The following ATP1A4 variants were observed in gnomAD, a reference collection of about 807,000 sequenced individuals.
The protein encoded by ATP1A4 is ATPase Na+/K+ transporting subunit alpha 4, also known as sodium/potassium-transporting ATPase subunit alpha-4.
In ATP1A4, 90 loss-of-function variants were observed where a neutral mutation model predicts 114.3. The ratio of observed to expected loss-of-function variants is 0.79; its 90% CI spans 0.66 to 0.94. The LOEUF (loss-of-function observed/expected upper bound fraction) is 0.94, where lower values mean the gene tolerates loss of function less well. Ranked by LOEUF, ATP1A4 falls within the 40% of genes least tolerant of loss-of-function variation. The pLI, the probability that ATP1A4 is intolerant of heterozygous loss-of-function variation, is 0.00. For missense variants in ATP1A4, 1,222 were observed against 1,313.6 expected, an observed-to-expected ratio of 0.93 and a Z score of 1.08; for synonymous variants, 511 against 494.1, an observed-to-expected ratio of 1.03 and a Z score of -0.45.
chr1:160,176,288 C>A lies in ATP1A4; in HGVS notation c.2466+42C>A, dbSNP rs368043410. Reference sequence around the variant, plus strand: ...TGAGCAAGAGATTCCCAGAATTCTGCCTCCTAAGCTCCCTGCTTTCTGCCT... The same window carrying A: ...TGAGCAAGAGATTCCCAGAATTCTGACTCCTAAGCTCCCTGCTTTCTGCCT... On this transcript the variant is annotated intron_variant, in intron 16 of 21. Transcript: ENST00000368081. 2.5e-6 allele frequency: 4 copies of A among 1,610,978 alleles called. No homozygotes were observed. In the African/African-American group the frequency reaches 5.3e-5, roughly 22 times the overall value.
In ATP1A4 at chr1:160,181,713, C is replaced by T; in HGVS notation, c.2766C>T (p.Phe922=). 2 of 1,614,144 alleles carry T rather than the reference C, an allele frequency of 1.2e-6. No individual in the cohort carries two copies. ...WTYEQRKVVE[F]TCQTAFFVTI... is the part of the protein sequence containing the mutation. The stretch of plus-strand genomic sequence containing the variant: ...ATGAGCAACGAAAAGTTGTGGAGTT[C>T]ACATGCCAAACGGCCTTTTTTGTCA... The change falls in exon 19 of 22, where the codon TTC becomes TTT. Residue 922 remains phenylalanine (F), a synonymous_variant. Transcript: ENST00000368081.
chr1:160,178,952 G>A (rs1653584294), intron 18 of ATP1A4, among the ~76,000 whole-genome samples: 1 of 152,236 alleles, frequency 6.6e-6, no homozygotes, highest in Non-Finnish European at 1.5e-5. Flanking sequence ...TAGCGTCATA[G>A]AGGACACAGT....
At chr1:160,161,008 G>A (rs184126950) in intron 6 of ATP1A4, among the ~76,000 whole-genome samples, 3 of 152,260 alleles carry the variant, frequency 2.0e-5, no homozygotes. Flanking sequence ...TTCAGATAAA[G>A]GGTATGGAGG....
At chr1:160,169,185 C>T (rs915284763) in intron 10 of ATP1A4, among the ~76,000 whole-genome samples, 5 of 152,214 alleles carry the variant, frequency 3.3e-5, no homozygotes, top group Non-Finnish European at 7.3e-5. Context: ...CCTTAGCTTG[C>T]CCTAAAGGTG....
intron 6 of ATP1A4, among the ~76,000 whole-genome samples, chr1:160,160,790 AG>A (rs2101630028): frequency 6.6e-6 from 1 of 152,322 alleles, no homozygotes; most frequent in Admixed American, 6.5e-5. Context: ...ACCTTAAAGA[AG>A]AAGCGTAATG....
intron 1 of ATP1A4, among the ~76,000 whole-genome samples, chr1:160,152,533 G>A (rs530731484): frequency 6.6e-6 from 1 of 152,152 alleles, no homozygotes; most frequent in Non-Finnish European, 1.5e-5. Flanking sequence ...ATGTTCTCAT[G>A]ATGAGGTGAT....
At chr1:160,165,124 G>T (rs964786207) in intron 7 of ATP1A4, among the ~76,000 whole-genome samples, 3 of 152,144 alleles carry the variant, frequency 2.0e-5, no homozygotes, top group South Asian at 2.1e-4. Flanking sequence ...CTATGACATG[G>T]TCTGTAGGCC....
rs1652600105 is a variant in ATP1A4 at position 160,155,161 on chromosome 1, C to T, written c.324C>T (p.Phe108=). ...VKFCKQLFGG[F]SLLLWTGAIL... ...TCTGTAAGCAACTGTTCGGAGGCTT[C>T]TCCCTCCTACTATGGACTGGGGCCA... Residue 108 remains phenylalanine (F), a synonymous_variant, in exon 3 of 22, where the codon TTC becomes TTT. Transcript: ENST00000368081. 1 of 1,612,872 alleles carries T rather than the reference C, an allele frequency of 6.2e-7. No homozygotes were observed. Among genetic ancestry groups the T allele is most frequent in the South Asian group, 1.1e-5 (1 of 91,046 alleles).
chr1:160,155,659 T>C (rs1306015034), intron 3 of ATP1A4, among the ~76,000 whole-genome samples: 1 of 152,146 alleles, frequency 6.6e-6, no homozygotes, highest in African/African-American at 2.4e-5. Flanking sequence ...CCCGAAAAAC[T>C]TGCTGTTCTT....
chr1:160,177,584 C>T lies in ATP1A4; in HGVS notation c.2656C>T (p.Pro886Ser), dbSNP rs1653522628. 1.9e-6 allele frequency: 3 copies of T among 1,614,014 alleles called. No homozygotes were observed. The highest frequency in any genetic ancestry group is 1.7e-5 in the Admixed American group (1 of 59,998). ...AATCCTGGCTGAGAATGGTTTTAGG[C>T]CTGTTGATCTGCTGGGCATCCGCCT... ...FVILAENGFR[P>S]VDLLGIRLHW... is the part of the protein sequence containing the mutation. The change falls in exon 18 of 22, where the codon CCT becomes TCT. Residue 886 changes from proline (P) to serine (S), a missense_variant. Pro to Ser is a moderately conservative substitution (Grantham distance 74). Transcript: ENST00000368081.
rs768982750 is a variant in ATP1A4, at chr1:160,171,373, C to T, written c.1614C>T (p.Asn538=). ...FLLNGQEYSM[N]DEMKEAFQNA... ...TGAATGGGCAGGAGTACTCAATGAA[C>T]GATGAAATGAAGGAAGCCTTCCAAA... Residue 538 remains asparagine (N), a synonymous_variant, in exon 11 of 22, where the codon AAC becomes AAT. Coordinates refer to ENST00000368081, the MANE Select transcript of ATP1A4 (RefSeq NM_144699.4). The T allele has an allele frequency of 2.0e-5, 32 of 1,613,980 alleles. No individual in the cohort carries two copies. Among genetic ancestry groups the T allele is most frequent in the South Asian group, 1.4e-4 (13 of 91,078 alleles).
chr1:160,176,370 C>T, intron 16 of ATP1A4, 109 bp from the exon 17 acceptor site: 1 of 1,586,834 alleles, frequency 6.3e-7, no homozygotes, highest in Non-Finnish European at 8.6e-7. Context: ...CTCGCACCTC[C>T]TGCAAGATGG....
intron 13 of ATP1A4, 80 bp downstream of exon 13, chr1:160,173,797 G>GTGGCA: frequency 6.6e-7 from 1 of 1,525,300 alleles, no homozygotes; most frequent in Non-Finnish European, 8.9e-7. Flanking sequence ...CTTTACTAAA[G>GTGGCA]TTCTTGGAGT....
intron 18 of ATP1A4, among the ~76,000 whole-genome samples, chr1:160,181,055 C>T (rs1653682387): frequency 6.6e-6 from 1 of 152,110 alleles, no homozygotes; most frequent in Non-Finnish European, 1.5e-5. Flanking sequence ...CTTACCCTAT[C>T]CTTCTTATTA....
At chr1:160,186,515 A>G in intron 21 of ATP1A4, 148 bp downstream of exon 21, 1 of 1,054,726 alleles carries the variant, frequency 9.5e-7, no homozygotes, top group South Asian at 1.4e-5. Flanking sequence ...AGACCTCTCT[A>G]CCCCTTGGCT....
intron 15 of ATP1A4, among the ~76,000 whole-genome samples, chr1:160,175,623 G>C (rs1037539252): frequency 2.6e-5 from 4 of 151,880 alleles, no homozygotes; most frequent in African/African-American, 9.7e-5. Flanking sequence ...AGAGGGATTC[G>C]ATCTTTGAAA....
At position 160,178,073 on chromosome 1, in the gene ATP1A4, G is replaced by C. The variant is rs1216514871; in HGVS notation, c.2736+409G>C. 5.3e-5 allele frequency among the ~76,000 whole-genome samples: 8 copies of C among 151,698 alleles called. No homozygotes were observed. In the South Asian group the frequency reaches 1.5e-3, roughly 28 times the overall value. On this transcript the variant is annotated intron_variant, in intron 18 of 21. Coordinates refer to ENST00000368081, the MANE Select transcript of ATP1A4 (RefSeq NM_144699.4). ...GTTCAAATGATATGATTTAAAATTT[G>C]AGGCAGGGTGCAGTGGCTCACGCCT...
At position 160,178,875 on chromosome 1, in the gene ATP1A4, A is replaced by T. The variant is rs571979948; in HGVS notation, c.2736+1211A>T. ...TAGGTATGCTTTTTTGGTATCTGTG[A>T]TACTCCTGTCCCAATTTCTAAGACA... On this transcript the variant is annotated intron_variant, in intron 18 of 21. Transcript: ENST00000368081. Among the ~76,000 whole-genome samples, 8 of 152,330 alleles carry T rather than the reference A, an allele frequency of 5.3e-5. No homozygotes were observed. The East Asian group carries it at 1.2e-3, about 22-fold the overall frequency.
rs1368418159 is a variant in ATP1A4, at chr1:160,177,499, T to C, written c.2591-20T>C. On this transcript the variant is annotated intron_variant, in intron 17 of 21. Transcript: ENST00000368081. The stretch of plus-strand genomic sequence containing the variant: ...TTCTCTGAACCAGGCTCCCCTGTCC[T>C]GCAACTCTGTCATTCACAGGGATGA... 3 of 1,613,058 alleles carry C rather than the reference T, an allele frequency of 1.9e-6. No homozygotes were observed. The African/African-American group carries it at 4.0e-5, about 22-fold the overall frequency.
Sources: allele counts gnomAD v4.1 joint callset (sites outside exome capture counted in the v4.1 genomes callset), GRCh38; gene constraint gnomAD v4.1.1; transcripts MANE v1.5; gene names NCBI Gene and HGNC (gene_info 2026-07-23, HGNC 2026-07-21).